The following AFF2 variants were observed in gnomAD, a reference collection of about 807,000 sequenced individuals.
AFF2 encodes AF4/FMR2 family member 2.
AFF2 carries 14 observed loss-of-function variants against 76.9 expected under a neutral mutation model. That is an observed-to-expected ratio of 0.18 (90% CI 0.12 to 0.28). AFF2 has a LOEUF of 0.28. Ranked by LOEUF, AFF2 falls within the 10% of genes least tolerant of loss-of-function variation. The pLI is 1.00. For missense variants in AFF2, 868 were observed against 1,001.1 expected (o/e 0.87, Z 1.79); for synonymous variants, 398 against 366.7 (o/e 1.09, Z -0.98).
At chrX:148,614,908 A>C (rs1408377476) in intron 1 of AFF2, among the ~76,000 whole-genome samples, 1 of 107,393 alleles carries the variant, frequency 9.3e-6, no homozygotes, top group African/African-American at 3.4e-5. Context: ...GATAAAGGAC[A>C]AATCAGTTTT....
chrX:148,952,794 A>G lies in AFF2; in HGVS notation c.1398-786A>G, dbSNP rs782751015. On this transcript the variant is annotated intron_variant, in intron 9 of 20. Coordinates refer to ENST00000370460, the MANE Select transcript of AFF2 (RefSeq NM_002025.4). ...AATCATTACAGCTGGTTGCTCTCTTATGATCATAACTCCTTGTAAGAGTTA... is the reference window on the plus strand; with the variant it reads ...AATCATTACAGCTGGTTGCTCTCTTGTGATCATAACTCCTTGTAAGAGTTA... 3.6e-5 allele frequency among the ~76,000 whole-genome samples: 4 copies of G among 112,230 alleles called. No homozygotes were observed. In the South Asian group the frequency reaches 1.1e-3, roughly 31 times the overall value.
chrX:148,886,038 T>C, intron 8 of AFF2, 53 bp downstream of exon 8: 1 of 964,605 alleles, frequency 1.0e-6, no homozygotes, highest in Non-Finnish European at 1.5e-6. Flanking sequence ...CAGGAGGAAC[T>C]GGAATGGCTT....
At chrX:148,646,011 C>T (rs1226604559) in intron 1 of AFF2, among the ~76,000 whole-genome samples, 1 of 112,052 alleles carries the variant, frequency 8.9e-6, no homozygotes, top group Non-Finnish European at 1.9e-5. Flanking sequence ...AAATAGTATG[C>T]TCAGTGAAAG....
At chrX:148,620,313 A>G (rs2053853089) in intron 1 of AFF2, among the ~76,000 whole-genome samples, 1 of 111,207 alleles carries the variant, frequency 9.0e-6, no homozygotes, top group African/African-American at 3.3e-5. Context: ...TGTGTTTGTA[A>G]TAAAGATTGT....
At chrX:148,966,673 CTTTCTTTTTTTTT>C (rs2072177729) in intron 13 of AFF2, 104 bp from the exon 14 acceptor site, 29 of 1,022,151 alleles carry the variant, frequency 2.8e-5, no homozygotes, top group Non-Finnish European at 3.6e-5. Flanking sequence ...GCATTGTTTT[CTTTCTTTTTTTTT>C]TTTTTTGCCT....
chrX:148,606,576 C>A (rs143045742), intron 1 of AFF2, among the ~76,000 whole-genome samples: 1,391 of 110,768 alleles, frequency 0.013, 31 homozygotes, highest in African/African-American at 0.041. Flanking sequence ...TAGTAGCCTG[C>A]ATATTTTCTA....
chrX:148,726,202 C>A (rs1282911480), intron 3 of AFF2, among the ~76,000 whole-genome samples: 3 of 112,338 alleles, frequency 2.7e-5, no homozygotes, highest in Non-Finnish European at 5.6e-5. Flanking sequence ...AGCAAGCTCT[C>A]ACCATAGCAA....
intron 1 of AFF2, among the ~76,000 whole-genome samples, chrX:148,648,734 A>C (rs2054172440): frequency 9.0e-6 from 1 of 110,938 alleles, no homozygotes; most frequent in South Asian, 3.8e-4. Context: ...AGCGATTCCA[A>C]AAAGGTAACC....
At chrX:148,679,754 C>T (rs1557259782) in intron 3 of AFF2, among the ~76,000 whole-genome samples, 1 of 111,404 alleles carries the variant, frequency 9.0e-6, no homozygotes, top group Non-Finnish European at 1.9e-5. Flanking sequence ...AATGGAAGCT[C>T]TACTACCCAT....
intron 4 of AFF2, chrX:148,822,414 G>A (rs2070339775): frequency 9.0e-6 from 1 of 111,218 alleles, no homozygotes; most frequent in Non-Finnish European, 1.9e-5. Flanking sequence ...GTTCAGTGGG[G>A]TAACAGATGT....
At chrX:148,912,871 A>T (rs2071486852) in intron 9 of AFF2, among the ~76,000 whole-genome samples, 1 of 111,977 alleles carries the variant, frequency 8.9e-6, no homozygotes, top group African/African-American at 3.3e-5. Flanking sequence ...CAGTGGGCAA[A>T]ATGCCCAGTC....
intron 2 of AFF2, among the ~76,000 whole-genome samples, chrX:148,658,225 A>G (rs1288855335): frequency 8.9e-6 from 1 of 112,131 alleles, no homozygotes; most frequent in African/African-American, 3.2e-5. Flanking sequence ...AAGAACTACT[A>G]CAATAATTCC....
chrX:148,917,904 A>G (rs1557282796), intron 9 of AFF2, among the ~76,000 whole-genome samples: 3 of 111,709 alleles, frequency 2.7e-5, no homozygotes, highest in African/African-American at 9.8e-5. Context: ...AACAAACAAA[A>G]CCCAAGACCG....
At chrX:148,625,157 T>C (rs1557251847) in intron 1 of AFF2, among the ~76,000 whole-genome samples, 1 of 110,927 alleles carries the variant, frequency 9.0e-6, no homozygotes, top group African/African-American at 3.3e-5. Context: ...TCCACAGGGA[T>C]TAGCTACTCC....
At chrX:148,779,063 A>C (rs914303989) in intron 3 of AFF2, among the ~76,000 whole-genome samples, 2 of 111,509 alleles carry the variant, frequency 1.8e-5, no homozygotes, top group African/African-American at 6.5e-5. Context: ...CATTGGTTTC[A>C]AAAAACTTAC....
At chrX:148,813,115 T>C (rs1477814620) in intron 4 of AFF2, among the ~76,000 whole-genome samples, 1 of 112,534 alleles carries the variant, frequency 8.9e-6, no homozygotes, top group Non-Finnish European at 1.9e-5. Context: ...TATTTGGTCA[T>C]AAGGAGTAAG....
chrX:148,567,128 T>C (rs1557241770), intron 1 of AFF2, among the ~76,000 whole-genome samples: 2 of 111,872 alleles, frequency 1.8e-5, no homozygotes, highest in African/African-American at 6.5e-5. Flanking sequence ...AATAAATGAC[T>C]GAAATTTAAT....
chrX:148,556,260 G>GA (rs782716489), intron 1 of AFF2, among the ~76,000 whole-genome samples: 1 of 112,227 alleles, frequency 8.9e-6, no homozygotes, highest in East Asian at 2.8e-4. Context: ...TCCATGATTA[G>GA]AAAAAAACTG....
chrX:148,662,123 T>C lies in AFF2; in HGVS notation c.396T>C (p.Pro132=). Residue 132 remains proline, a synonymous_variant, in exon 3 of 21, where the codon CCT becomes CCC. Transcript: ENST00000370460. ...IIPPHQDNTH[P]SAPMPPPSVV... is the part of the protein sequence containing the mutation. ...CACCTCACCAGGATAATACCCATCC[T>C]TCAGCACCAATGCCTCCACCTTCTG... The C allele has an allele frequency of 8.3e-7, 1 of 1,209,642 alleles. No homozygotes were observed. Among genetic ancestry groups the C allele is most frequent in the Non-Finnish European group, 1.1e-6 (1 of 893,436 alleles).
Sources: gnomAD v4.1 joint callset for allele counts (sites outside exome capture counted in the v4.1 genomes callset) on GRCh38, gnomAD v4.1.1 for gene constraint, MANE v1.5 for transcripts, NCBI Gene and HGNC (gene_info 2026-07-23, HGNC 2026-07-21) for gene names.